The following SORCS2 variants were observed in gnomAD, a reference collection of about 807,000 sequenced individuals.
SORCS2 encodes sortilin related VPS10 domain containing receptor 2.
A neutral mutation model predicts 141.6 loss-of-function variants in SORCS2; 100 were observed. The observed-to-expected ratio is 0.71, with a 90% CI of 0.60 to 0.83. SORCS2 has a LOEUF of 0.83. Ranked by LOEUF, SORCS2 falls within the 40% of genes least tolerant of loss-of-function variation. The probability of loss-of-function intolerance (pLI) is 0.00; values close to 1 mark genes in which losing one functional copy is unlikely to be tolerated. For missense variants in SORCS2, 1,646 were observed against 1,560.2 expected, an observed-to-expected ratio of 1.05 and a Z score of -0.93; for synonymous variants, 789 against 676.9, an observed-to-expected ratio of 1.17 and a Z score of -2.57.
rs137935540 is a variant in SORCS2 at position 7,344,607 on chromosome 4, G to A, written c.481-51681G>A. 4.3e-3 allele frequency among the ~76,000 whole-genome samples: 656 copies of A among 152,322 alleles called. 4 individuals are homozygous for A. The highest frequency in any genetic ancestry group is 8.9e-3 in the South Asian group (43 of 4,830). Reference sequence around the variant, plus strand: ...GAGTTTCCTTGCATGGGAGAGGATAGGGCAGTTTGAGCAGAGAGTGGACAC... The same window carrying A: ...GAGTTTCCTTGCATGGGAGAGGATAAGGCAGTTTGAGCAGAGAGTGGACAC... On this transcript the variant is annotated intron_variant, in intron 1 of 26. Coordinates refer to ENST00000507866, the MANE Select transcript of SORCS2 (RefSeq NM_020777.3).
chr4:7,271,679 C>A (rs1715140508), intron 1 of SORCS2, among the ~76,000 whole-genome samples: 1 of 152,240 alleles, frequency 6.6e-6, no homozygotes, highest in African/African-American at 2.4e-5. Flanking sequence ...CTGTGGTGTC[C>A]TCAGTACCTG....
chr4:7,331,131 G>T (rs762659842), intron 1 of SORCS2, among the ~76,000 whole-genome samples: 1 of 152,146 alleles, frequency 6.6e-6, no homozygotes, highest in African/African-American at 2.4e-5. Context: ...TGGGGACAGG[G>T]TGGAGGAACT....
intron 2 of SORCS2, among the ~76,000 whole-genome samples, chr4:7,489,150 G>A (rs1275515782): frequency 2.0e-5 from 3 of 152,158 alleles, no homozygotes; most frequent in African/African-American, 7.2e-5. Context: ...GTGCAACGCT[G>A]GAGCCAAAAG....
In SORCS2 at chr4:7,683,931, GAC is replaced by G. The variant is rs1317555929; in HGVS notation, c.1488+1044_1488+1045del. Among the ~76,000 whole-genome samples, 19 of 152,340 alleles carry G rather than the reference GAC, an allele frequency of 1.2e-4. No homozygotes were observed. The East Asian group carries it at 3.3e-3, about 26-fold the overall frequency. On this transcript the variant is annotated intron_variant, in intron 10 of 26. Transcript: ENST00000507866. ...AGGCCCATGCTGGTGAGGAAGGAGA[GAC>G]AGAGCTGTAAGGAGCCCTGGTCCTA...
chr4:7,392,858 C>T (rs1365467656), intron 1 of SORCS2, among the ~76,000 whole-genome samples: 1 of 151,216 alleles, frequency 6.6e-6, no homozygotes, highest in Non-Finnish European at 1.5e-5. Context: ...TCAGTTTCCT[C>T]AGCCGTAATG....
chr4:7,722,961 A>G (rs1186872134), intron 18 of SORCS2, among the ~76,000 whole-genome samples: 1 of 151,856 alleles, frequency 6.6e-6, no homozygotes. Context: ...GAAGGGGAGG[A>G]GAGGAGGAAG....
Position 7,521,517 on chromosome 4 carries a change from G to T in SORCS2, c.549-10013G>T, listed in dbSNP as rs1476539787. 2.6e-5 allele frequency among the ~76,000 whole-genome samples: 4 copies of T among 152,334 alleles called. No individual in the cohort carries two copies. In the East Asian group the frequency reaches 7.7e-4, roughly 29 times the overall value. On this transcript the variant is annotated intron_variant, in intron 2 of 26. Transcript: ENST00000507866. The stretch of plus-strand genomic sequence containing the variant: ...TCCCTCTTCCTCTCTGATCCTGGGA[G>T]GGTTTGTTAGAAAGTCTGGGTACCT...
At chr4:7,372,747 C>T (rs1462967221) in intron 1 of SORCS2, among the ~76,000 whole-genome samples, 2 of 152,204 alleles carry the variant, frequency 1.3e-5, no homozygotes, top group African/African-American at 2.4e-5. Flanking sequence ...TCAACGCCCC[C>T]ACCCCCAAGC....
At chr4:7,540,271 C>T (rs557274248) in intron 3 of SORCS2, among the ~76,000 whole-genome samples, 2 of 148,592 alleles carry the variant, frequency 1.3e-5, no homozygotes, top group East Asian at 4.1e-4. Context: ...CCTCTTGGCC[C>T]GCCTAGGGTT....
chr4:7,620,029 TC>T, intron 3 of SORCS2, among the ~76,000 whole-genome samples: 1 of 150,120 alleles, frequency 6.7e-6, no homozygotes, highest in East Asian at 2.0e-4. Context: ...TTCCTCCTCC[TC>T]CTCCTTCCTC....
chr4:7,513,374 C>G lies in SORCS2; in HGVS notation c.549-18156C>G, dbSNP rs536045544. On this transcript the variant is annotated intron_variant, in intron 2 of 26. Coordinates refer to ENST00000507866, the MANE Select transcript of SORCS2 (RefSeq NM_020777.3). ...AGAGGTGGGGCTGCTGGAAGAAGCTCCCCAGAGGGAAAACGGGGCTTCACC... is the reference window on the plus strand; with the variant it reads ...AGAGGTGGGGCTGCTGGAAGAAGCTGCCCAGAGGGAAAACGGGGCTTCACC... Among the ~76,000 whole-genome samples the G allele has an allele frequency of 2.0e-5, 3 of 152,286 alleles. No individual in the cohort carries two copies. In the South Asian group the frequency reaches 6.2e-4, roughly 32 times the overall value.
intron 23 of SORCS2, among the ~76,000 whole-genome samples, chr4:7,732,531 C>T (rs911391500): frequency 9.2e-5 from 14 of 152,166 alleles, no homozygotes; most frequent in African/African-American, 3.4e-4. Flanking sequence ...TATAGGTGCC[C>T]CCGACCCTGC....
chr4:7,204,511 C>T (rs1327225597), intron 1 of SORCS2, among the ~76,000 whole-genome samples: 3 of 152,162 alleles, frequency 2.0e-5, no homozygotes, highest in South Asian at 2.1e-4. Context: ...AGCCACCATG[C>T]CTGGCTTATG....
At chr4:7,640,208 AT>A (rs1240749410) in intron 4 of SORCS2, among the ~76,000 whole-genome samples, 1 of 136,620 alleles carries the variant, frequency 7.3e-6, no homozygotes, top group Non-Finnish European at 1.6e-5. Context: ...GAGTGTGTAC[AT>A]GTATGGGTGT....
chr4:7,320,892 C>T (rs1418638237), intron 1 of SORCS2, among the ~76,000 whole-genome samples: 1 of 151,240 alleles, frequency 6.6e-6, no homozygotes, highest in Non-Finnish European at 1.5e-5. Context: ...TTCCCCTCCC[C>T]TCCCTCCCTC....
chr4:7,326,443 G>A lies in SORCS2; in HGVS notation c.481-69845G>A, dbSNP rs977069007. Among the ~76,000 whole-genome samples the A allele has an allele frequency of 4.0e-5, 6 of 151,828 alleles. No homozygotes were observed. The South Asian group carries it at 1.0e-3, about 26-fold the overall frequency. On this transcript the variant is annotated intron_variant, in intron 1 of 26. Transcript: ENST00000507866. ...CCGGCCTGGTGCCCACAGCCCTGCC[G>A]CCCCAGCCGTGGATCTGCCTTCCCC... is the stretch of plus-strand genomic sequence containing the variant.
At chr4:7,309,442 G>T (rs1718043651) in intron 1 of SORCS2, among the ~76,000 whole-genome samples, 1 of 152,128 alleles carries the variant, frequency 6.6e-6, no homozygotes, top group Non-Finnish European at 1.5e-5. Flanking sequence ...TTCCCTTGAG[G>T]CAGGTCCCGA....
chr4:7,317,210 G>T lies in SORCS2; in HGVS notation c.481-79078G>T, dbSNP rs367686776. ...GGAACCCTACAGTGACAAAGCTGCC[G>T]GTGACTATAGTGATCATACAGAGTG... On this transcript the variant is annotated intron_variant, in intron 1 of 26. Coordinates refer to ENST00000507866, the MANE Select transcript of SORCS2 (RefSeq NM_020777.3). Among the ~76,000 whole-genome samples, 6 of 152,296 alleles carry T rather than the reference G, an allele frequency of 3.9e-5. No individual in the cohort carries two copies. In the East Asian group the frequency reaches 9.7e-4, roughly 25 times the overall value.
At chr4:7,290,278 GCT>G (rs1716518896) in intron 1 of SORCS2, among the ~76,000 whole-genome samples, 1 of 152,224 alleles carries the variant, frequency 6.6e-6, no homozygotes, top group Non-Finnish European at 1.5e-5. Context: ...TGGGCTGGCT[GCT>G]CTCTGAGTAG....
Sources: allele counts gnomAD v4.1 joint callset (sites outside exome capture counted in the v4.1 genomes callset), GRCh38; gene constraint gnomAD v4.1.1; transcripts MANE v1.5; gene names NCBI Gene and HGNC (gene_info 2026-07-23, HGNC 2026-07-21).